Variants in THBS2 observed in about 807,000 individuals in gnomAD.
THBS2 encodes thrombospondin 2.
Under a neutral mutation model 135.2 loss-of-function variants are expected in THBS2, and 47 were observed. The ratio of observed to expected loss-of-function variants is 0.35; its 90% CI spans 0.28 to 0.44. The LOEUF (loss-of-function observed/expected upper bound fraction) is 0.44. Ranked by LOEUF, THBS2 falls within the 20% of genes least tolerant of loss-of-function variation. THBS2 has a pLI of 1.00. For synonymous variants in THBS2, 639 were observed against 633.8 expected, an observed-to-expected ratio of 1.01 and a Z score of -0.12; for missense variants, 1,288 against 1,603.1, an observed-to-expected ratio of 0.80 and a Z score of 3.36.
chr6:169,220,162 A>G (rs1299927523), intron 21 of THBS2, 36 bp downstream of exon 21: 3 of 1,601,532 alleles, frequency 1.9e-6, no homozygotes, highest in Non-Finnish European at 2.6e-6. Context: ...TGGGTGCCAC[A>G]TGCCTTCCCC....
Position 169,232,061 on chromosome 6 carries a change from G to A in THBS2, c.2070C>T (p.Ile690=). The A allele has an allele frequency of 6.2e-7, 1 of 1,614,102 alleles. No individual in the cohort carries two copies. Among genetic ancestry groups the A allele is most frequent in the Non-Finnish European group, 8.5e-7 (1 of 1,179,980 alleles). The change falls in exon 13 of 22, where the codon ATC becomes ATT. Residue 690 remains isoleucine (I), a synonymous_variant. Transcript: ENST00000617924. ...CGTCCAGGTCCGAGTCCTCCCCGCA[G>A]ATGAGCCCGTCGCCCGCGTAGCCTG... ...CQTGYAGDGL[I]CGEDSDLDGW...
In THBS2 at chr6:169,225,315, CCGT is replaced by C; in HGVS notation, c.2600_2602del (p.Asp867del). 2 of 1,580,428 alleles carry C rather than the reference CCGT, an allele frequency of 1.3e-6. No homozygotes were observed. Among genetic ancestry groups the C allele is most frequent in the Non-Finnish European group, 1.7e-6 (2 of 1,162,676 alleles). ...GCAGTTGTCCTGGTTGTTCTGGTGG[CCGT>C]CGTCATCTATGTCCTCGTTGTTGTC... On this transcript the variant is annotated inframe_deletion, in exon 17 of 22. Coordinates refer to ENST00000617924, the MANE Select transcript of THBS2 (RefSeq NM_003247.5).
intron 21 of THBS2, among the ~76,000 whole-genome samples, chr6:169,219,119 G>T (rs1281731065): frequency 6.6e-6 from 1 of 151,136 alleles, no homozygotes; most frequent in East Asian, 2.0e-4. Context: ...GAGTAGGTAG[G>T]TGAGTGGATG....
chr6:169,241,913 C>T lies in THBS2; in HGVS notation c.740G>A (p.Gly247Asp), dbSNP rs779518708. 6 of 1,611,800 alleles carry T rather than the reference C, an allele frequency of 3.7e-6. No homozygotes were observed. The highest frequency in any genetic ancestry group is 1.7e-4 in the Middle Eastern group (1 of 6,052). Residue 247 changes from glycine to aspartate, a missense_variant, in exon 5 of 22, where the codon GGT becomes GAT. Physicochemically the swap from Gly to Asp is moderately conservative, Grantham distance 94. Coordinates refer to ENST00000617924, the MANE Select transcript of THBS2 (RefSeq NM_003247.5). The surrounding 1 kb of genome is among the most constrained non-coding windows in gnomAD (Gnocchi z 5.5). ...ISENTETLRL[G>D]PHVTTEYVGP... is the part of the protein sequence containing the mutation. ...CACGTACTCGGTGGTGACATGCGGA[C>T]CCAGGCGCAGCGTCTCTGTGTTCTC...
At chr6:169,219,700 G>A (rs1251299654) in intron 21 of THBS2, 4 of 475,484 alleles carry the variant, frequency 8.4e-6, no homozygotes, top group Non-Finnish European at 1.7e-5. Flanking sequence ...CTTATTTACT[G>A]CATCTGTGGA....
chr6:169,230,192 C>T (rs1779783021), intron 13 of THBS2, among the ~76,000 whole-genome samples: 1 of 148,498 alleles, frequency 6.7e-6, no homozygotes, highest in African/African-American at 2.5e-5. Flanking sequence ...CAGCTTTTCA[C>T]GGTGAGTGGG....
Position 169,228,649 on chromosome 6 carries a change from C to T in THBS2, c.2260-368G>A, listed in dbSNP as rs140790724. Among the ~76,000 whole-genome samples, 249 of 152,232 alleles carry T rather than the reference C, an allele frequency of 1.6e-3. 9 individuals are homozygous for T. In the East Asian group the frequency reaches 0.042, roughly 25 times the overall value. On this transcript the variant is annotated intron_variant, in intron 14 of 21. Transcript: ENST00000617924. ...CTTTAAAAAGCCAGTTAGGCCCGGG[C>T]ACAGTGGCTCACACCATTAATCCCA...
intron 17 of THBS2, among the ~76,000 whole-genome samples, chr6:169,224,324 T>A (rs1226388450): frequency 6.6e-6 from 1 of 152,216 alleles, no homozygotes; most frequent in Non-Finnish European, 1.5e-5. Context: ...GGGGAAAGGC[T>A]GCATGGGGAG....
Position 169,232,110 on chromosome 6 carries a change from G to T in THBS2, c.2021C>A (p.Pro674His), listed in dbSNP as rs776060069. 1 of 1,614,086 alleles carries T rather than the reference G, an allele frequency of 6.2e-7. No homozygotes were observed. The highest frequency in any genetic ancestry group is 8.5e-7 in the Non-Finnish European group (1 of 1,179,996). ...ECIYLGHFSD[P>H]MYKCECQTGY... Reference sequence around the variant, plus strand: ...TGTCTGGCACTCGCACTTGTACATGGGGTCGCTGAAGTGGCCCAGGTAGAT... The same window carrying T: ...TGTCTGGCACTCGCACTTGTACATGTGGTCGCTGAAGTGGCCCAGGTAGAT... The change falls in exon 13 of 22, where the codon CCC (proline) becomes CAC (histidine). Residue 674 changes from proline to histidine, a missense_variant. By Grantham distance (77) the Pro-to-His change is moderately conservative. This residue lies in a region of THBS2 where 874 missense variants were observed against 1,156.1 expected (regional missense o/e 0.76). Coordinates refer to ENST00000617924, the MANE Select transcript of THBS2 (RefSeq NM_003247.5).
rs938310770 is a variant in THBS2, at chr6:169,232,728, G to A, written c.1868C>T (p.Pro623Leu). The A allele has an allele frequency of 6.8e-6, 11 of 1,613,860 alleles. No individual in the cohort carries two copies. The highest frequency in any genetic ancestry group is 5.1e-6 in the Non-Finnish European group (6 of 1,179,940). ...GGGCTGGTTCCCTCTGTATCGGGGC[G>A]GGCAGGGCAGGCAGTGGAAGCCAGG... ...TQPGFHCLPC[P>L]PRYRGNQPVG... Residue 623 changes from proline to leucine, a missense_variant, in exon 12 of 22, where the codon CCG (proline) becomes CTG (leucine). Transcript: ENST00000617924.
chr6:169,218,224 ATGGT>A (rs138869632), intron 21 of THBS2, among the ~76,000 whole-genome samples: 59,573 of 133,204 alleles, frequency 0.45, 13,324 homozygotes, highest in Middle Eastern at 0.57. Flanking sequence ...GGATGATGAG[ATGGT>A]TGGGTGGCTG....
At chr6:169,226,456 GA>G (rs1450219944) in intron 15 of THBS2, among the ~76,000 whole-genome samples, 158 bp from the exon 16 acceptor site, 3 of 152,288 alleles carry the variant, frequency 2.0e-5, no homozygotes, top group African/African-American at 7.2e-5. Flanking sequence ...AAAATATAAA[GA>G]CTATTAGATT....
chr6:169,247,736 A>ATATG (rs1780601534), intron 3 of THBS2, among the ~76,000 whole-genome samples: 1 of 151,882 alleles, frequency 6.6e-6, no homozygotes, highest in African/African-American at 2.4e-5. Context: ...ATGTGCATGC[A>ATATG]TGAGTGTGTT....
rs147398833 is a variant in THBS2, at chr6:169,228,924, GAGTT to G, written c.2259+644_2260-644del. The stretch of plus-strand genomic sequence containing the variant: ...GAGCGACCAAAAAAAAAAAAAAAAA[GAGTT>G]AGCCCTCGCCAAACACTTTTTCCAT... On this transcript the variant is annotated intron_variant, in intron 14 of 21. Coordinates refer to ENST00000617924, the MANE Select transcript of THBS2 (RefSeq NM_003247.5). 2.6e-3 allele frequency among the ~76,000 whole-genome samples: 251 copies of G among 96,186 alleles called. 1 individual carries two copies. Among genetic ancestry groups the G allele is most frequent in the African/African-American group, 6.6e-3 (173 of 26,280 alleles). The allele number at this position is 96,186 out of a possible 152,430, so 63.1% of individuals were successfully genotyped here. A position where few individuals can be genotyped will look rare whatever the true frequency, so the allele number is the denominator to read the frequency against.
chr6:169,234,003 C>T (rs535139737), intron 10 of THBS2, among the ~76,000 whole-genome samples: 1 of 150,790 alleles, frequency 6.6e-6, no homozygotes, highest in East Asian at 1.9e-4. Flanking sequence ...CTACTACCTA[C>T]ATGCCACGTT....
chr6:169,222,498 A>T (rs1779462619), intron 18 of THBS2, 30 bp from the exon 19 acceptor site: 1 of 1,599,364 alleles, frequency 6.3e-7, no homozygotes, highest in East Asian at 2.2e-5. Flanking sequence ...GTTTCGTTAG[A>T]AACACCTTTC....
At chr6:169,247,322 G>T (rs569509459) in intron 3 of THBS2, among the ~76,000 whole-genome samples, 1 of 152,310 alleles carries the variant, frequency 6.6e-6, no homozygotes, top group South Asian at 2.1e-4. Context: ...GCTGACAACT[G>T]CCTGTGGCTC....
At chr6:169,226,397 C>A (rs751942700) in intron 15 of THBS2, 99 bp from the exon 16 acceptor site, 5 of 789,000 alleles carry the variant, frequency 6.3e-6, no homozygotes, top group Non-Finnish European at 1.1e-5. Flanking sequence ...AAATTGCTTA[C>A]AGCCACACTT....
At chr6:169,242,817 C>T (rs867568407) in intron 4 of THBS2, among the ~76,000 whole-genome samples, 30 of 50,080 alleles carry the variant, frequency 6.0e-4, no homozygotes, top group Middle Eastern at 0.02. Flanking sequence ...CTTCCCACCA[C>T]TCCCACCTTC....
Sources: allele counts gnomAD v4.1 joint callset (sites outside exome capture counted in the v4.1 genomes callset), GRCh38; gene constraint gnomAD v4.1.1; regional missense constraint gnomAD v4.1.1; non-coding constraint Gnocchi (gnomAD v3.1); transcripts MANE v1.5; gene names NCBI Gene and HGNC (gene_info 2026-07-23, HGNC 2026-07-21).